PTPRJ: variants seen among roughly 807,000 people sequenced by gnomAD.
PTPRJ encodes receptor-type tyrosine-protein phosphatase eta.
A neutral mutation model predicts 141.3 loss-of-function variants in PTPRJ; 129 were observed. The ratio of observed to expected loss-of-function variants is 0.91; its 90% CI spans 0.79 to 1.06. PTPRJ has a LOEUF of 1.06. PTPRJ is among the 50% of genes least tolerant of loss of function. The pLI is 0.00. For missense variants in PTPRJ, 1,601 were observed against 1,679.7 expected, an observed-to-expected ratio of 0.95 and a Z score of 0.82; for synonymous variants, 610 against 640.5, an observed-to-expected ratio of 0.95 and a Z score of 0.72.
intron 1 of PTPRJ, among the ~76,000 whole-genome samples, chr11:47,992,134 C>T (rs761397966): frequency 6.6e-6 from 1 of 151,704 alleles, no homozygotes; most frequent in East Asian, 1.9e-4. Context: ...CTGTCTTTTG[C>T]AGAATAATAA....
rs1341127261 is a variant in PTPRJ, at chr11:48,130,617, A to G, written c.1516A>G (p.Ile506Val). Residue 506 changes from isoleucine to valine, a missense_variant, in exon 8 of 25, where the codon ATT becomes GTT. Coordinates refer to ENST00000418331, the MANE Select transcript of PTPRJ (RefSeq NM_002843.4). ...VEITTNQSII[I>V]GGLFPGTKYC... Reference sequence around the variant, plus strand: ...AATAACCACCAACCAAAGTATTATCATTGGTGGCTTGTTCCCTGGAACCAA... The same window carrying G: ...AATAACCACCAACCAAAGTATTATCGTTGGTGGCTTGTTCCCTGGAACCAA... 3 of 1,613,968 alleles carry G rather than the reference A, an allele frequency of 1.9e-6. No homozygotes were observed. The highest frequency in any genetic ancestry group is 2.5e-6 in the Non-Finnish European group (3 of 1,179,932).
intron 1 of PTPRJ, among the ~76,000 whole-genome samples, chr11:48,042,958 CT>C (rs1854306383): frequency 6.6e-6 from 1 of 152,100 alleles, no homozygotes; most frequent in African/African-American, 2.4e-5. Context: ...AGACTCAAGT[CT>C]GATAAAAGGT....
At chr11:48,076,920 T>C (rs1590472349) in intron 1 of PTPRJ, among the ~76,000 whole-genome samples, 1 of 152,076 alleles carries the variant, frequency 6.6e-6, no homozygotes, top group South Asian at 2.1e-4. Flanking sequence ...CAGGCTGGAG[T>C]GCAATGGCGC....
At chr11:48,068,346 C>T (rs934979444) in intron 1 of PTPRJ, among the ~76,000 whole-genome samples, 7 of 152,074 alleles carry the variant, frequency 4.6e-5, no homozygotes, top group African/African-American at 1.7e-4. Flanking sequence ...AGGGTGGGAC[C>T]AGGTGGAGAT....
chr11:48,104,887 G>T (rs1291626440), intron 1 of PTPRJ, among the ~76,000 whole-genome samples: 1 of 152,094 alleles, frequency 6.6e-6, no homozygotes, highest in Non-Finnish European at 1.5e-5. Context: ...ATTGACCTTG[G>T]GCTGAATCTT....
intron 21 of PTPRJ, among the ~76,000 whole-genome samples, chr11:48,159,064 A>G (rs1449635719): frequency 6.9e-6 from 1 of 145,212 alleles, no homozygotes; most frequent in Non-Finnish European, 1.5e-5. Context: ...ACACCTTAGA[A>G]TACTGAGTGT....
At chr11:48,050,859 G>A (rs963257201) in intron 1 of PTPRJ, among the ~76,000 whole-genome samples, 3 of 152,010 alleles carry the variant, frequency 2.0e-5, no homozygotes, top group Non-Finnish European at 2.9e-5. Context: ...TGTCTGAGCC[G>A]AGGTGCACTG....
intron 1 of PTPRJ, among the ~76,000 whole-genome samples, chr11:48,002,136 AT>A (rs36029619): frequency 0.3 from 38,588 of 130,272 alleles, 5,419 homozygotes; most frequent in African/African-American, 0.5. Context: ...TCCTATTTAA[AT>A]TTTTTTTTTT....
chr11:48,134,470 G>A (rs1565320498), intron 8 of PTPRJ, among the ~76,000 whole-genome samples: 1 of 152,022 alleles, frequency 6.6e-6, no homozygotes, highest in Non-Finnish European at 1.5e-5. Flanking sequence ...TTTGACATCA[G>A]GAATCTGCTG....
chr11:48,004,552 A>G (rs962796966), intron 1 of PTPRJ, among the ~76,000 whole-genome samples: 18 of 152,154 alleles, frequency 1.2e-4, no homozygotes, highest in Non-Finnish European at 2.1e-4. Flanking sequence ...TCAGAGTTTC[A>G]AGTCATAGGC....
intron 1 of PTPRJ, among the ~76,000 whole-genome samples, chr11:48,017,131 G>T (rs765873152): frequency 8.5e-5 from 13 of 152,182 alleles, no homozygotes; most frequent in African/African-American, 3.1e-4. Context: ...AGGTTGTAGA[G>T]ATGTTACATA....
At chr11:48,024,147 A>G (rs1385065495) in intron 1 of PTPRJ, among the ~76,000 whole-genome samples, 3 of 151,730 alleles carry the variant, frequency 2.0e-5, no homozygotes, top group Admixed American at 6.6e-5. Context: ...TCTGCTCCCC[A>G]AATAGACTGT....
intron 22 of PTPRJ, among the ~76,000 whole-genome samples, chr11:48,162,398 T>TCCCTCTCCCTCCC (rs1164020828): frequency 7.2e-6 from 1 of 138,360 alleles, no homozygotes; most frequent in East Asian, 2.2e-4. Flanking sequence ...CTCTCCCTCC[T>TCCCTCTCCCTCCC]CCCTCTCCCT....
chr11:47,984,908 G>A (rs12284551), intron 1 of PTPRJ, among the ~76,000 whole-genome samples: 2,625 of 142,510 alleles, frequency 0.018, 91 homozygotes, highest in African/African-American at 0.065. Flanking sequence ...GCTGGAGTAC[G>A]GTGGTGTGAT....
intron 1 of PTPRJ, among the ~76,000 whole-genome samples, chr11:48,080,011 GGCATCTCAGAT>G (rs1181712404): frequency 6.6e-6 from 1 of 152,142 alleles, no homozygotes; most frequent in Non-Finnish European, 1.5e-5. Flanking sequence ...GTGCAGGATG[GGCATCTCAGAT>G]GCTGTGAGTC....
In PTPRJ at chr11:48,162,929, G is replaced by A. The variant is rs144003414; in HGVS notation, c.3559-529G>A. ...AAATATTTGCATGGTGCTTGCTAGTGGCCTGTCACTTTATTCACTTCTCTA... is the reference window on the plus strand; with the variant it reads ...AAATATTTGCATGGTGCTTGCTAGTAGCCTGTCACTTTATTCACTTCTCTA... On this transcript the variant is annotated intron_variant, in intron 22 of 24. Coordinates refer to ENST00000418331, the MANE Select transcript of PTPRJ (RefSeq NM_002843.4). 1.3e-4 allele frequency among the ~76,000 whole-genome samples: 20 copies of A among 152,268 alleles called. No homozygotes were observed. The East Asian group carries it at 3.3e-3, about 25-fold the overall frequency.
At chr11:48,076,125 C>T (rs879843810) in intron 1 of PTPRJ, among the ~76,000 whole-genome samples, 11 of 152,286 alleles carry the variant, frequency 7.2e-5, no homozygotes, top group Admixed American at 7.2e-4. Context: ...ATCTGTTTAC[C>T]TGGGGAGTGA....
In PTPRJ at chr11:48,161,037, G is replaced by T. The variant is rs564374845; in HGVS notation, c.3558+988G>T. ...CAAACCAAACCCAAAAATTAGCCAG[G>T]CATGCTGGTATACACCTGTAGTCCC... On this transcript the variant is annotated intron_variant, in intron 22 of 24. Coordinates refer to ENST00000418331, the MANE Select transcript of PTPRJ (RefSeq NM_002843.4). 2.0e-5 allele frequency among the ~76,000 whole-genome samples: 3 copies of T among 151,958 alleles called. No individual in the cohort carries two copies. The South Asian group carries it at 6.3e-4, about 32-fold the overall frequency.
chr11:48,053,265 T>TATAATA (rs1854639650), intron 1 of PTPRJ, among the ~76,000 whole-genome samples: 2 of 77,038 alleles, frequency 2.6e-5, no homozygotes, highest in African/African-American at 1.8e-4. Context: ...ATATAATATA[T>TATAATA]TATATAAATA....
Sources: allele counts gnomAD v4.1 joint callset (sites outside exome capture counted in the v4.1 genomes callset), GRCh38; gene constraint gnomAD v4.1.1; transcripts MANE v1.5; gene names NCBI Gene and HGNC (gene_info 2026-07-23, HGNC 2026-07-21).